MYO3A: variants seen among roughly 807,000 people sequenced by gnomAD.
MYO3A encodes the protein myosin IIIA, also known as myosin-IIIa.
Under a neutral mutation model 192.7 loss-of-function variants are expected in MYO3A, and 180 were observed. That is an observed-to-expected ratio of 0.93 (90% confidence interval 0.83 to 1.06). The LOEUF is 1.06. Among genes scored for constraint, MYO3A ranks in the 50% least tolerant of loss-of-function variants. The pLI is 0.00. For missense variants in MYO3A, 1,896 were observed against 1,905.0 expected (o/e 1.00, Z 0.09); for synonymous variants, 628 against 645.3 (o/e 0.97, Z 0.41).
intron 15 of MYO3A, among the ~76,000 whole-genome samples, chr10:26,094,430 T>C (rs2131547398): frequency 6.9e-6 from 1 of 145,016 alleles, no homozygotes; most frequent in South Asian, 2.3e-4. Context: ...CTTTTTTTTT[T>C]TTTTTTTTTT....
chr10:26,107,286 C>G (rs1837870154), intron 17 of MYO3A, among the ~76,000 whole-genome samples: 2 of 152,014 alleles, frequency 1.3e-5, no homozygotes, highest in African/African-American at 4.8e-5. Context: ...TCAAGACCAT[C>G]CTGGCTAACA....
intron 20 of MYO3A, among the ~76,000 whole-genome samples, chr10:26,136,612 G>A (rs920678986): frequency 6.6e-6 from 1 of 152,158 alleles, no homozygotes; most frequent in African/African-American, 2.4e-5. Context: ...AGAGGGAGTG[G>A]GGAGAAGACT....
chr10:26,013,221 G>A (rs1005228976), intron 6 of MYO3A, among the ~76,000 whole-genome samples: 2 of 152,012 alleles, frequency 1.3e-5, no homozygotes, highest in African/African-American at 4.8e-5. Flanking sequence ...CCTAGGCAAA[G>A]AATTCATGAC....
In MYO3A at chr10:26,066,961, G is replaced by A. The variant is rs759775229; in HGVS notation, c.954-14G>A. On this transcript the variant is annotated splice_polypyrimidine_tract_variant and intron_variant, in intron 10 of 34. Transcript: ENST00000642920. Reference sequence around the variant, plus strand: ...GTAATCAATTCTTAAATCAGAAAGCGTTTTTCTCCACAGACGTGAACGTAT... The same window carrying A: ...GTAATCAATTCTTAAATCAGAAAGCATTTTTCTCCACAGACGTGAACGTAT... The A allele has an allele frequency of 8.9e-6, 14 of 1,579,028 alleles. No homozygotes were observed. Among genetic ancestry groups the A allele is most frequent in the African/African-American group, 2.7e-5 (2 of 74,414 alleles).
intron 7 of MYO3A, among the ~76,000 whole-genome samples, chr10:26,020,110 T>G (rs1353593831): frequency 6.6e-6 from 1 of 152,224 alleles, no homozygotes; most frequent in Admixed American, 6.5e-5. Flanking sequence ...CTTCAGGTAC[T>G]TAGAAATGAA....
rs574381405 is a variant in MYO3A at position 26,155,220 on chromosome 10, C to T, written c.2793+397C>T. 3.3e-5 allele frequency among the ~76,000 whole-genome samples: 5 copies of T among 152,284 alleles called. No individual in the cohort carries two copies. In the East Asian group the frequency reaches 9.7e-4, roughly 29 times the overall value. On this transcript the variant is annotated intron_variant, in intron 25 of 34. Transcript: ENST00000642920. ...AGCATCCATCTCCATTTCATATCAC[C>T]CTGCCTGTACAGAGCTAAAAACCTC...
intron 17 of MYO3A, among the ~76,000 whole-genome samples, chr10:26,100,518 T>G (rs1376689220): frequency 1.3e-5 from 2 of 152,338 alleles, no homozygotes; most frequent in East Asian, 3.9e-4. Context: ...TTTAGATCTT[T>G]CCTGCTTTCT....
intron 14 of MYO3A, among the ~76,000 whole-genome samples, chr10:26,079,611 G>A (rs1302251728): frequency 6.6e-6 from 1 of 151,992 alleles, no homozygotes; most frequent in Admixed American, 6.6e-5. Flanking sequence ...TGTTTCATAG[G>A]TCCTGTGTGA....
intron 10 of MYO3A, among the ~76,000 whole-genome samples, chr10:26,035,892 G>C (rs536071323): frequency 2.0e-5 from 3 of 151,996 alleles, no homozygotes; most frequent in South Asian, 4.2e-4. Flanking sequence ...GCATTACTAA[G>C]TAGAATATTC....
intron 17 of MYO3A, among the ~76,000 whole-genome samples, chr10:26,112,658 C>A (rs1211420501): frequency 6.6e-6 from 1 of 152,120 alleles, no homozygotes; most frequent in African/African-American, 2.4e-5. Context: ...GACAGCACCC[C>A]AAGTGTATGT....
intron 4 of MYO3A, among the ~76,000 whole-genome samples, chr10:25,962,653 T>C (rs1485752753): frequency 6.6e-6 from 1 of 152,184 alleles, no homozygotes; most frequent in Non-Finnish European, 1.5e-5. Context: ...AAATACTTCT[T>C]TTGACTTTGC....
At chr10:26,096,820 A>C in intron 17 of MYO3A, 138 bp downstream of exon 17, 1 of 646,208 alleles carries the variant, frequency 1.5e-6, no homozygotes, top group Non-Finnish European at 2.7e-6. Flanking sequence ...AAATAACTGG[A>C]AATATAATAT....
intron 17 of MYO3A, among the ~76,000 whole-genome samples, chr10:26,119,197 A>G (rs1838700350): frequency 6.6e-6 from 1 of 152,144 alleles, no homozygotes; most frequent in Non-Finnish European, 1.5e-5. Context: ...AAGCCTGCCC[A>G]TCCTTTCCCA....
chr10:26,061,225 G>A (rs564946236), intron 10 of MYO3A, among the ~76,000 whole-genome samples: 98 of 152,194 alleles, frequency 6.4e-4, no homozygotes, highest in African/African-American at 1.7e-3. Context: ...CACCACGCCC[G>A]GCCGACACCT....
At chr10:25,935,069 C>T (rs1465784631) in intron 1 of MYO3A, among the ~76,000 whole-genome samples, 1 of 152,082 alleles carries the variant, frequency 6.6e-6, no homozygotes. Context: ...CTGGGTCGGC[C>T]CGTCCCTGAG....
intron 10 of MYO3A, among the ~76,000 whole-genome samples, chr10:26,057,639 T>G (rs1834190544): frequency 6.6e-6 from 1 of 152,088 alleles, no homozygotes; most frequent in Non-Finnish European, 1.5e-5. Flanking sequence ...GACTTCAAGG[T>G]CCAGTGGAGG....
At chr10:26,111,684 A>G (rs1838190946) in intron 17 of MYO3A, among the ~76,000 whole-genome samples, 1 of 152,232 alleles carries the variant, frequency 6.6e-6, no homozygotes, top group African/African-American at 2.4e-5. Context: ...GTCAATAAAG[A>G]AAAAAGCAGC....
intron 9 of MYO3A, among the ~76,000 whole-genome samples, chr10:26,024,592 A>T (rs1842457350): frequency 6.6e-6 from 1 of 152,050 alleles, no homozygotes; most frequent in African/African-American, 2.4e-5. Flanking sequence ...GTGTTTTTGT[A>T]GTGGCCAGTA....
chr10:26,145,308 A>G, intron 21 of MYO3A, 138 bp from the exon 22 acceptor site: 1 of 666,796 alleles, frequency 1.5e-6, no homozygotes, highest in Non-Finnish European at 2.7e-6. Context: ...GTATAATTCT[A>G]TTCCAAATCT....
Sources: gnomAD v4.1 joint callset for allele counts (sites outside exome capture counted in the v4.1 genomes callset) on GRCh38, gnomAD v4.1.1 for gene constraint, MANE v1.5 for transcripts, NCBI Gene and HGNC (gene_info 2026-07-23, HGNC 2026-07-21) for gene names.